LMO2: variants seen among roughly 807,000 people sequenced by gnomAD.
LMO2 encodes LIM domain only 2.
Under a neutral mutation model 23.2 loss-of-function variants are expected in LMO2, and 20 were observed. The observed-to-expected ratio is 0.86, with a 90% CI of 0.61 to 1.25. The LOEUF is 1.25. LMO2 is among the 50% of genes most tolerant of loss of function. LMO2 has a pLI of 0.00. For synonymous variants in LMO2, 123 were observed against 130.2 expected, an observed-to-expected ratio of 0.94 and a Z score of 0.38; for missense variants, 270 against 315.3, an observed-to-expected ratio of 0.86 and a Z score of 1.09.
At position 33,886,655 on chromosome 11, in the gene LMO2, G is replaced by T. The variant is rs76532225; in HGVS notation, c.-335-4768C>A. Among the ~76,000 whole-genome samples the T allele has an allele frequency of 6.6e-3, 1,007 of 152,292 alleles. 14 individuals carry two copies. Among genetic ancestry groups the T allele is most frequent in the African/African-American group, 0.023 (959 of 41,556 alleles). On this transcript the variant is annotated intron_variant, in intron 1 of 5. Coordinates refer to ENST00000257818, the MANE Select transcript of LMO2 (RefSeq NM_005574.4). ...GGGCTGGCCTTTTATAATGACAGGG[G>T]CATCTGTATCCCACAGCTGTGAGTG...
At chr11:33,888,497 C>T (rs1387098779) in intron 1 of LMO2, among the ~76,000 whole-genome samples, 2 of 152,234 alleles carry the variant, frequency 1.3e-5, no homozygotes, top group Non-Finnish European at 2.9e-5. Context: ...GCTTCATCCA[C>T]ACAGGACCCC....
chr11:33,881,619 T>A, intron 2 of LMO2: 1 of 351,418 alleles, frequency 2.8e-6, no homozygotes, highest in Non-Finnish European at 5.6e-6. Context: ...CAAATATGTA[T>A]GCTCTCACTC....
rs1856679913 is a variant in LMO2 at position 33,864,017 on chromosome 11, G to A, written c.464+585C>T. ...TAACTTGCCCAAGGCCACCAAGCTG[G>A]GAAGCAATGGTATTGGGACTCAAAC... On this transcript the variant is annotated intron_variant, in intron 5 of 5. Coordinates refer to ENST00000257818, the MANE Select transcript of LMO2 (RefSeq NM_005574.4). This position sits in a 1 kb window ranked among gnomAD's most constrained non-coding sequence, Gnocchi z 4.8. Among the ~76,000 whole-genome samples, 1 of 152,296 alleles carries A rather than the reference G, an allele frequency of 6.6e-6. No individual in the cohort carries two copies. The highest frequency in any genetic ancestry group is 2.1e-4 in the South Asian group (1 of 4,832).
At chr11:33,877,103 A>C (rs1857153287) in intron 2 of LMO2, among the ~76,000 whole-genome samples, 1 of 152,236 alleles carries the variant, frequency 6.6e-6, no homozygotes, top group South Asian at 2.1e-4. Context: ...GGTGGGGTCA[A>C]CATTCTTGCC....
At chr11:33,872,923 A>G (rs533093624) in intron 2 of LMO2, among the ~76,000 whole-genome samples, 12 of 151,802 alleles carry the variant, frequency 7.9e-5, no homozygotes, top group Admixed American at 5.2e-4. Context: ...CACCACGCCT[A>G]GCTAATTTTT....
rs1856952090 is a variant in LMO2 at position 33,869,782 on chromosome 11, G to A, written c.-66C>T. ...CTGTCGCCGGCTCCGCGCCGCCCGCGGGGATGGTGTGCGCCCGCCCGGCCG... is the reference window on the plus strand; with the variant it reads ...CTGTCGCCGGCTCCGCGCCGCCCGCAGGGATGGTGTGCGCCCGCCCGGCCG... On this transcript the variant is annotated 5_prime_UTR_variant, in exon 3 of 6. Transcript: ENST00000257818. 2 of 1,162,696 alleles carry A rather than the reference G, an allele frequency of 1.7e-6. No individual in the cohort carries two copies. Among genetic ancestry groups the A allele is most frequent in the East Asian group, 4.3e-5 (1 of 23,326 alleles). 72.0% of individuals were successfully genotyped at this position (1,162,696 alleles called of 1,614,324 possible). A position where few individuals can be genotyped will look rare whatever the true frequency, so the allele number is the denominator to read the frequency against.
chr11:33,870,118 A>C, intron 2 of LMO2, 131 bp from the exon 3 acceptor site: 1 of 280,714 alleles, frequency 3.6e-6, no homozygotes, highest in Non-Finnish European at 5.4e-6. Flanking sequence ...TTAGCAATAC[A>C]AACAGCAGCA....
chr11:33,879,604 G>A (rs1027058445), intron 2 of LMO2, among the ~76,000 whole-genome samples: 1 of 152,108 alleles, frequency 6.6e-6, no homozygotes, highest in African/African-American at 2.4e-5. Context: ...CTGCCTGGGC[G>A]ACAGAGCCAA....
Position 33,869,373 on chromosome 11 carries a change from A to C in LMO2, c.221T>G (p.Ile74Ser). The C allele has an allele frequency of 1.7e-6, 2 of 1,171,018 alleles. No homozygotes were observed. The highest frequency in any genetic ancestry group is 2.1e-6 in the Non-Finnish European group (2 of 941,618). 72.5% of individuals were successfully genotyped at this position (1,171,018 alleles called of 1,614,324 possible). Residue 74 changes from isoleucine (I) to serine (S), a missense_variant, in exon 4 of 6, where the codon ATC becomes AGC. Physicochemically the swap from Ile to Ser is moderately radical, Grantham distance 142 (BLOSUM62 -2). Coordinates refer to ENST00000257818, the MANE Select transcript of LMO2 (RefSeq NM_005574.4). ...TPPPSPMSSAIERKSLDPSEE... is the reference protein window; with the variant it reads ...TPPPSPMSSASERKSLDPSEE... ...TGAAGGGTCCAGGCTCTTCCTTTCG[A>C]TGGCCGAGGACATTGGGGAGGGAGG... is the stretch of plus-strand genomic sequence containing the variant.
intron 2 of LMO2, chr11:33,870,489 G>C: frequency 7.1e-6 from 7 of 980,308 alleles, no homozygotes; most frequent in Non-Finnish European, 8.5e-6. Flanking sequence ...TGCGGGCTCC[G>C]GGCTGCGGGC....
chr11:33,873,397 C>T (rs916362873), intron 2 of LMO2, among the ~76,000 whole-genome samples: 11 of 152,054 alleles, frequency 7.2e-5, no homozygotes, highest in African/African-American at 1.9e-4. Flanking sequence ...AACTGCCTAC[C>T]GGTGGGATTT....
At chr11:33,885,694 C>G (rs1036308490) in intron 1 of LMO2, among the ~76,000 whole-genome samples, 1 of 152,154 alleles carries the variant, frequency 6.6e-6, no homozygotes, top group Non-Finnish European at 1.5e-5. Context: ...TGTGTGGTGG[C>G]CACCCTTTTC....
intron 2 of LMO2, chr11:33,870,488 C>CA: frequency 1.0e-6 from 1 of 983,202 alleles, no homozygotes; most frequent in African/African-American, 1.8e-5. Flanking sequence ...CTGCGGGCTC[C>CA]GGGCTGCGGG....
At chr11:33,889,928 G>C (rs1184909531) in intron 1 of LMO2, among the ~76,000 whole-genome samples, 2 of 152,092 alleles carry the variant, frequency 1.3e-5, no homozygotes, top group Non-Finnish European at 2.9e-5. Context: ...TTAAAACTGT[G>C]GTGTATATAT....
intron 1 of LMO2, among the ~76,000 whole-genome samples, chr11:33,886,746 G>A (rs564377373): frequency 3.3e-5 from 5 of 152,306 alleles, no homozygotes; most frequent in African/African-American, 7.2e-5. Context: ...TTCAGAACAC[G>A]AATGTTGGGG....
At chr11:33,860,401 G>A (rs11032429) in intron 5 of LMO2, among the ~76,000 whole-genome samples, 20,923 of 152,174 alleles carry the variant, frequency 0.14, 1,577 homozygotes, top group Non-Finnish European at 0.14. Flanking sequence ...GCAGGGCTCA[G>A]TGCAGTGGTT....
intron 4 of LMO2, among the ~76,000 whole-genome samples, chr11:33,866,051 T>C (rs1343185415): frequency 6.6e-6 from 1 of 152,218 alleles, no homozygotes; most frequent in Non-Finnish European, 1.5e-5. Context: ...TATAAATCCA[T>C]GTCTCCTATT....
intron 1 of LMO2, among the ~76,000 whole-genome samples, chr11:33,886,944 T>A (rs1402706400): frequency 1.3e-5 from 2 of 152,240 alleles, no homozygotes; most frequent in Non-Finnish European, 2.9e-5. Flanking sequence ...ACTTCGCTCT[T>A]CCATCCATAG....
intron 2 of LMO2, among the ~76,000 whole-genome samples, chr11:33,876,494 G>A (rs1033818662): frequency 1.3e-5 from 2 of 152,234 alleles, no homozygotes; most frequent in African/African-American, 4.8e-5. Flanking sequence ...CTGGGTGAAA[G>A]TGTAGAAGGA....
Sources: gnomAD v4.1 joint callset for allele counts (sites outside exome capture counted in the v4.1 genomes callset) on GRCh38, gnomAD v4.1.1 for gene constraint, Gnocchi (gnomAD v3.1) non-coding constraint, MANE v1.5 for transcripts, NCBI Gene and HGNC (gene_info 2026-07-23, HGNC 2026-07-21) for gene names.